STPG2: variants seen among roughly 807,000 people sequenced by gnomAD.
The protein encoded by STPG2 is sperm tail PG-rich repeat containing 2.
In STPG2, 56 loss-of-function variants were observed where a neutral mutation model predicts 54.2. The ratio of observed to expected loss-of-function variants is 1.03; its 90% CI spans 0.83 to 1.29. STPG2 has a LOEUF of 1.29. Ranked by LOEUF, STPG2 falls within the 50% of genes most tolerant of loss-of-function variation. The pLI is 0.00. For synonymous variants in STPG2, 200 were observed against 181.8 expected, an observed-to-expected ratio of 1.10 and a Z score of -0.81; for missense variants, 596 against 544.9, an observed-to-expected ratio of 1.09 and a Z score of -0.93.
chr4:97,561,545 T>C (rs1732243316), intron 10 of STPG2, among the ~76,000 whole-genome samples: 1 of 152,216 alleles, frequency 6.6e-6, no homozygotes, highest in Non-Finnish European at 1.5e-5. Context: ...TGAATGGTAA[T>C]GCCTAGGTTT....
At position 97,561,656 on chromosome 4, in the gene STPG2, T is replaced by C. The variant is rs184948337; in HGVS notation, c.1321-2539A>G. Among the ~76,000 whole-genome samples, 635 of 152,326 alleles carry C rather than the reference T, an allele frequency of 4.2e-3. 3 individuals are homozygous for C. Among genetic ancestry groups the C allele is most frequent in the South Asian group, 0.02 (98 of 4,824 alleles). Reference sequence around the variant, plus strand: ...GTAAGGAAGGGATTCAGTTTCAGCATATGGCTAGCCAGTTTTCCCAGCACC... The same window carrying C: ...GTAAGGAAGGGATTCAGTTTCAGCACATGGCTAGCCAGTTTTCCCAGCACC... On this transcript the variant is annotated intron_variant, in intron 10 of 10. Coordinates refer to ENST00000295268, the MANE Select transcript of STPG2 (RefSeq NM_174952.3).
chr4:98,105,336 G>A (rs951963198), intron 5 of STPG2, among the ~76,000 whole-genome samples: 1 of 152,158 alleles, frequency 6.6e-6, no homozygotes, highest in African/African-American at 2.4e-5. Flanking sequence ...AATGACCCCA[G>A]GAATGCTGAG....
At chr4:98,110,544 CAG>C (rs921728980) in intron 3 of STPG2, among the ~76,000 whole-genome samples, 5 of 152,116 alleles carry the variant, frequency 3.3e-5, no homozygotes, top group African/African-American at 1.2e-4. Flanking sequence ...AGGAAAGACT[CAG>C]GGGACAAGTA....
intron 8 of STPG2, among the ~76,000 whole-genome samples, chr4:97,899,543 G>T (rs564097481): frequency 6.6e-6 from 1 of 151,770 alleles, no homozygotes; most frequent in South Asian, 2.1e-4. Flanking sequence ...AACAAAGCTG[G>T]AGGCATTACA....
chr4:97,919,234 C>T (rs1232794199), intron 8 of STPG2, among the ~76,000 whole-genome samples: 1 of 150,952 alleles, frequency 6.6e-6, no homozygotes. Context: ...CAAATATATA[C>T]ATAATCAAAA....
chr4:97,623,404 T>C (rs946849414), intron 10 of STPG2, among the ~76,000 whole-genome samples: 7 of 151,630 alleles, frequency 4.6e-5, no homozygotes, highest in African/African-American at 1.7e-4. Context: ...ATAAGAACCA[T>C]AAATTTACAA....
At chr4:97,965,818 C>T (rs1406204940) in intron 7 of STPG2, among the ~76,000 whole-genome samples, 1 of 152,162 alleles carries the variant, frequency 6.6e-6, no homozygotes. Flanking sequence ...GGAATAGCAT[C>T]AACATCAACA....
chr4:98,107,548 G>A (rs1195730776), intron 4 of STPG2, among the ~76,000 whole-genome samples: 2 of 146,252 alleles, frequency 1.4e-5, no homozygotes, highest in Non-Finnish European at 3.0e-5. Context: ...AAATGGGGGA[G>A]GAATGAGAGT....
At chr4:97,713,025 T>C (rs1724173879) in intron 9 of STPG2, among the ~76,000 whole-genome samples, 1 of 152,180 alleles carries the variant, frequency 6.6e-6, no homozygotes. Flanking sequence ...AATAATTAAA[T>C]ATATTACAGC....
chr4:97,800,338 G>A (rs1233521005), intron 9 of STPG2, among the ~76,000 whole-genome samples: 1 of 152,148 alleles, frequency 6.6e-6, no homozygotes. Flanking sequence ...CTTTGATGAT[G>A]GTGACGTACA....
At chr4:97,735,186 A>C (rs1724937593) in intron 9 of STPG2, among the ~76,000 whole-genome samples, 1 of 152,052 alleles carries the variant, frequency 6.6e-6, no homozygotes, top group Non-Finnish European at 1.5e-5. Flanking sequence ...GTTCATATAT[A>C]TACTTCTATA....
intron 10 of STPG2, among the ~76,000 whole-genome samples, chr4:97,568,892 T>C (rs1359619444): frequency 7.5e-6 from 1 of 132,538 alleles, no homozygotes; most frequent in African/African-American, 2.7e-5. Context: ...TCTTTTGTTT[T>C]TTGTTTTGTT....
chr4:97,589,715 C>T (rs537265275), intron 10 of STPG2, among the ~76,000 whole-genome samples: 6 of 152,220 alleles, frequency 3.9e-5, no homozygotes, highest in Admixed American at 1.3e-4. Context: ...AATGACGGTT[C>T]GCAAATGTGA....
intron 5 of STPG2, among the ~76,000 whole-genome samples, chr4:98,084,564 C>T (rs1738449240): frequency 6.6e-6 from 1 of 152,168 alleles, no homozygotes; most frequent in African/African-American, 2.4e-5. Flanking sequence ...TATTATTTTA[C>T]ATTCCCATAA....
At chr4:97,909,174 G>C (rs1731580133) in intron 8 of STPG2, among the ~76,000 whole-genome samples, 1 of 151,326 alleles carries the variant, frequency 6.6e-6, no homozygotes, top group South Asian at 2.1e-4. Context: ...ATTTTAAGAA[G>C]CAATTGTTAA....
intron 9 of STPG2, among the ~76,000 whole-genome samples, chr4:97,826,645 C>T (rs531075066): frequency 3.9e-5 from 6 of 152,234 alleles, no homozygotes; most frequent in African/African-American, 1.4e-4. Flanking sequence ...ATCAATAATG[C>T]ACTAACACAA....
chr4:97,615,802 C>A (rs973422761), intron 10 of STPG2, among the ~76,000 whole-genome samples: 4 of 150,848 alleles, frequency 2.7e-5, no homozygotes, highest in East Asian at 2.0e-4. Flanking sequence ...ACTGGGAGGC[C>A]GAGACAGGTG....
chr4:97,523,473 A>G (rs1578360835), intron 4 of STPG2, among the ~76,000 whole-genome samples: 1 of 152,038 alleles, frequency 6.6e-6, no homozygotes, highest in African/African-American at 2.4e-5. Flanking sequence ...AGGCAAGGCT[A>G]TGTAAAATGT....
chr4:97,963,378 T>A (rs1733964334), intron 7 of STPG2, among the ~76,000 whole-genome samples: 1 of 152,132 alleles, frequency 6.6e-6, no homozygotes, highest in Admixed American at 6.6e-5. Context: ...AAATATATAC[T>A]GGGCGTGGTG....
Sources: gnomAD v4.1 joint callset for allele counts (sites outside exome capture counted in the v4.1 genomes callset) on GRCh38, gnomAD v4.1.1 for gene constraint, MANE v1.5 for transcripts, NCBI Gene and HGNC (gene_info 2026-07-23, HGNC 2026-07-21) for gene names.